FBXO31: variants seen among roughly 807,000 people sequenced by gnomAD.
The protein encoded by FBXO31 is F-box only protein 31.
FBXO31 carries 24 observed loss-of-function variants against 54.4 expected under a neutral mutation model. The ratio of observed to expected loss-of-function variants is 0.44; its 90% CI spans 0.32 to 0.62. FBXO31 has a LOEUF of 0.62. Ranked by LOEUF, FBXO31 falls within the 20% of genes least tolerant of loss-of-function variation. The pLI, the probability that FBXO31 is intolerant of heterozygous loss-of-function variation, is 0.05. For missense variants in FBXO31, 665 were observed against 787.1 expected, an observed-to-expected ratio of 0.84 and a Z score of 1.86; for synonymous variants, 388 against 335.6, an observed-to-expected ratio of 1.16 and a Z score of -1.71.
intron 5 of FBXO31, among the ~76,000 whole-genome samples, chr16:87,340,660 T>C (rs1905163250): frequency 6.6e-6 from 1 of 151,936 alleles, no homozygotes; most frequent in Admixed American, 6.6e-5. Context: ...TCTGCTTATG[T>C]AAAAATTAAA....
intron 8 of FBXO31, 73 bp downstream of exon 8, chr16:87,333,813 G>A: frequency 5.3e-6 from 8 of 1,519,026 alleles, no homozygotes; most frequent in Non-Finnish European, 7.1e-6. Flanking sequence ...GCCTGTGCTA[G>A]GTGTGGGGCT....
chr16:87,339,788 TAAAC>T (rs1454369852), intron 5 of FBXO31, among the ~76,000 whole-genome samples: 1 of 151,926 alleles, frequency 6.6e-6, no homozygotes, highest in Non-Finnish European at 1.5e-5. Flanking sequence ...ACACAGCAAA[TAAAC>T]AAGATGAGCC....
At chr16:87,348,691 G>A (rs1450480790) in intron 2 of FBXO31, among the ~76,000 whole-genome samples, 1 of 152,206 alleles carries the variant, frequency 6.6e-6, no homozygotes, top group South Asian at 2.1e-4. Context: ...CAGGTCCCAG[G>A]GCCCCTAACG....
In FBXO31 at chr16:87,336,050, C is replaced by G; in HGVS notation, c.842+105G>C. The G allele has an allele frequency of 1.1e-6, 1 of 872,138 alleles. No homozygotes were observed. Among genetic ancestry groups the G allele is most frequent in the Non-Finnish European group, 1.8e-6 (1 of 556,514 alleles). 54.0% of individuals were successfully genotyped at this position (872,138 alleles called of 1,614,324 possible). A position where few individuals can be genotyped will look rare whatever the true frequency, so the allele number is the denominator to read the frequency against. On this transcript the variant is annotated intron_variant, in intron 6 of 8. Transcript: ENST00000311635. The surrounding 1 kb of genome is among the most constrained non-coding windows in gnomAD (Gnocchi z 6.5). Reference sequence around the variant, plus strand: ...CAGGAGAGAGGGCTGAACCCCAGCACCCACTGAGACAAAGGACTATGCCCC... The same window carrying G: ...CAGGAGAGAGGGCTGAACCCCAGCAGCCACTGAGACAAAGGACTATGCCCC...
chr16:87,354,725 T>C (rs1436808015), intron 2 of FBXO31, among the ~76,000 whole-genome samples: 1 of 152,178 alleles, frequency 6.6e-6, no homozygotes, highest in Non-Finnish European at 1.5e-5. Context: ...CCCAGCACTT[T>C]GGGTGGCCGA....
intron 1 of FBXO31, among the ~76,000 whole-genome samples, chr16:87,369,541 T>A (rs1906508402): frequency 6.6e-6 from 1 of 152,242 alleles, no homozygotes; most frequent in Admixed American, 6.5e-5. Flanking sequence ...TATTCCAGCC[T>A]GCAGGGACCA....
chr16:87,344,624 G>A (rs149245682), intron 3 of FBXO31, among the ~76,000 whole-genome samples: 254 of 151,958 alleles, frequency 1.7e-3, no homozygotes, highest in African/African-American at 5.6e-3. Flanking sequence ...ATTATCCACT[G>A]CTTTTTGTTT....
chr16:87,351,733 G>A lies in FBXO31; in HGVS notation c.413-4483C>T, dbSNP rs554674469. ...AAAATAAAAAAATTAGCCAGACATC[G>A]TGGCGTACGCCTATAATCCCAGCTA... On this transcript the variant is annotated intron_variant, in intron 2 of 8. Transcript: ENST00000311635. 3.3e-5 allele frequency among the ~76,000 whole-genome samples: 5 copies of A among 152,094 alleles called. No individual in the cohort carries two copies. In the South Asian group the frequency reaches 8.3e-4, roughly 25 times the overall value.
intron 1 of FBXO31, among the ~76,000 whole-genome samples, chr16:87,360,610 T>C (rs1377971434): frequency 6.6e-6 from 1 of 152,254 alleles, no homozygotes; most frequent in African/African-American, 2.4e-5. Context: ...CTGCAATGTC[T>C]ATTCTAATAA....
At position 87,347,180 on chromosome 16, in the gene FBXO31, G is replaced by A. The variant is rs773883607; in HGVS notation, c.483C>T (p.Asn161=). 2.9e-5 allele frequency: 46 copies of A among 1,614,018 alleles called. No individual in the cohort carries two copies. The highest frequency in any genetic ancestry group is 1.7e-4 in the Middle Eastern group (1 of 6,050). The part of the protein sequence containing the change: ...PDIGPYGGLL[N]VVVDGLFIIG... ...GCGAGGCTCCGGGACTTACCACCAC[G>A]TTCAGCAGTCCTCCGTATGGCCCGA... Residue 161 remains asparagine, a synonymous_variant, in exon 3 of 9, where the codon AAC becomes AAT. Transcript: ENST00000311635.
intron 8 of FBXO31, among the ~76,000 whole-genome samples, 175 bp from the exon 9 acceptor site, chr16:87,331,685 T>C (rs1443393110): frequency 1.3e-5 from 2 of 152,350 alleles, no homozygotes; most frequent in African/African-American, 4.8e-5. Context: ...GGGTGTGGGC[T>C]GAGCCTGTCT....
At chr16:87,340,617 A>C in intron 5 of FBXO31, among the ~76,000 whole-genome samples, 1 of 152,216 alleles carries the variant, frequency 6.6e-6, no homozygotes, top group Middle Eastern at 3.2e-3. Context: ...GGATGGCACT[A>C]AACTGAGAGT....
intron 1 of FBXO31, among the ~76,000 whole-genome samples, chr16:87,379,550 A>T (rs1233799276): frequency 2.0e-5 from 3 of 152,160 alleles, no homozygotes; most frequent in African/African-American, 7.2e-5. Context: ...CCTGCACTGA[A>T]TAAAAGCAAG....
At chr16:87,387,251 A>T (rs763750590), upstream of FBXO31, among the ~76,000 whole-genome samples, 4 of 152,208 alleles carry the variant, frequency 2.6e-5, no homozygotes, top group Non-Finnish European at 5.9e-5. Flanking sequence ...GAATCCTGAC[A>T]GCTGAATACG....
chr16:87,334,311 G>A (rs1904973781), intron 7 of FBXO31, 25 bp from the exon 8 acceptor site: 1 of 1,547,960 alleles, frequency 6.5e-7, no homozygotes, highest in Non-Finnish European at 8.7e-7. Flanking sequence ...GCAGTCAGCA[G>A]GGCTCAGGCC....
intron 3 of FBXO31, 61 bp downstream of exon 3, chr16:87,347,113 C>T: frequency 2.7e-6 from 4 of 1,463,788 alleles, no homozygotes; most frequent in Non-Finnish European, 3.8e-6. Flanking sequence ...CCTCAAATTC[C>T]TCCACGTAAG....
intron 1 of FBXO31, among the ~76,000 whole-genome samples, chr16:87,368,990 C>T (rs78900971): frequency 0.048 from 7,355 of 152,022 alleles, 629 homozygotes; most frequent in African/African-American, 0.17. Context: ...TTAGTAGTGA[C>T]GGGGTTTCGC....
At chr16:87,364,253 G>T (rs1286648454) in intron 1 of FBXO31, among the ~76,000 whole-genome samples, 1 of 152,220 alleles carries the variant, frequency 6.6e-6, no homozygotes, top group African/African-American at 2.4e-5. Context: ...GCACAGGAGG[G>T]CTGACCCCAG....
intron 2 of FBXO31, among the ~76,000 whole-genome samples, chr16:87,350,475 G>A (rs937439348): frequency 2.6e-5 from 4 of 152,060 alleles, no homozygotes; most frequent in Admixed American, 6.5e-5. Flanking sequence ...GTTACTTTAC[G>A]GTCACACCTA....
Sources: allele counts gnomAD v4.1 joint callset (sites outside exome capture counted in the v4.1 genomes callset), GRCh38; gene constraint gnomAD v4.1.1; non-coding constraint Gnocchi (gnomAD v3.1); transcripts MANE v1.5; gene names NCBI Gene and HGNC (gene_info 2026-07-23, HGNC 2026-07-21).